Variants in EPHA6 observed in about 807,000 individuals in gnomAD.
The protein encoded by EPHA6 is EPH receptor A6, also known as ephrin type-A receptor 6.
A neutral mutation model predicts 112.0 loss-of-function variants in EPHA6; 50 were observed. The ratio of observed to expected loss-of-function variants is 0.45; its 90% CI spans 0.36 to 0.56. The LOEUF (loss-of-function observed/expected upper bound fraction) is 0.56, where lower values mean the gene tolerates loss of function less well. EPHA6 is among the 20% of genes least tolerant of loss of function. The pLI is 0.00. For synonymous variants in EPHA6, 529 were observed against 490.7 expected (o/e 1.08, Z -1.03); for missense variants, 1,280 against 1,417.4 (o/e 0.90, Z 1.56).
intron 5 of EPHA6, among the ~76,000 whole-genome samples, chr3:97,245,509 C>T (rs930761203): frequency 3.3e-5 from 5 of 151,878 alleles, no homozygotes; most frequent in African/African-American, 9.7e-5. Flanking sequence ...GCATAATATA[C>T]ACAATGGCAG....
chr3:97,552,743 T>G (rs1355956893), intron 11 of EPHA6, among the ~76,000 whole-genome samples: 6 of 152,204 alleles, frequency 3.9e-5, no homozygotes. Flanking sequence ...TTCCAAATTT[T>G]GTCCATAAAG....
At chr3:97,023,513 A>AT (rs1203247606) in intron 3 of EPHA6, among the ~76,000 whole-genome samples, 1 of 151,710 alleles carries the variant, frequency 6.6e-6, no homozygotes, top group African/African-American at 2.4e-5. Context: ...ACCTTCTAAG[A>AT]TTTTTTTCAT....
chr3:97,716,609 A>G (rs2034249376), intron 14 of EPHA6, among the ~76,000 whole-genome samples: 1 of 149,282 alleles, frequency 6.7e-6, no homozygotes, highest in Non-Finnish European at 1.5e-5. Context: ...GAAAAGACCC[A>G]GGTGCTTCTG....
intron 5 of EPHA6, among the ~76,000 whole-genome samples, chr3:97,287,716 A>T (rs2080523477): frequency 6.6e-6 from 1 of 152,126 alleles, no homozygotes; most frequent in Non-Finnish European, 1.5e-5. Flanking sequence ...CTTGTTTATT[A>T]ATATGTGTAT....
Position 96,902,707 on chromosome 3 carries a change from C to T in EPHA6, c.450+35818C>T, listed in dbSNP as rs1387720669. 3.9e-5 allele frequency among the ~76,000 whole-genome samples: 6 copies of T among 152,248 alleles called. No homozygotes were observed. In the South Asian group the frequency reaches 1.2e-3, roughly 32 times the overall value. ...GCTGAACTAGCTCTGCTTCTGTTGC[C>T]AGAGCCAGAAGCAGAAGAGGGGAAA... On this transcript the variant is annotated intron_variant, in intron 2 of 17. Coordinates refer to ENST00000389672, the MANE Select transcript of EPHA6 (RefSeq NM_001080448.3).
At chr3:96,820,211 T>C (rs1559747604) in intron 1 of EPHA6, among the ~76,000 whole-genome samples, 1 of 151,950 alleles carries the variant, frequency 6.6e-6, no homozygotes, top group East Asian at 1.9e-4. Flanking sequence ...GGAACCAGAG[T>C]CCTCAGAGTA....
intron 5 of EPHA6, among the ~76,000 whole-genome samples, chr3:97,350,777 GCT>G (rs1165071991): frequency 6.6e-6 from 1 of 151,964 alleles, no homozygotes; most frequent in Admixed American, 6.6e-5. Flanking sequence ...TCCAAATCAG[GCT>G]CTCTACTGCT....
At chr3:97,289,526 T>A (rs968850880) in intron 5 of EPHA6, among the ~76,000 whole-genome samples, 9 of 152,206 alleles carry the variant, frequency 5.9e-5, no homozygotes, top group Admixed American at 2.0e-4. Flanking sequence ...GCTTCTGGCT[T>A]TGTTCTTTTT....
At chr3:97,630,879 C>T (rs2093897170) in intron 13 of EPHA6, among the ~76,000 whole-genome samples, 1 of 151,992 alleles carries the variant, frequency 6.6e-6, no homozygotes, top group Non-Finnish European at 1.5e-5. Context: ...TGACAAATCA[C>T]ATGTGGTAGC....
chr3:97,352,454 A>C (rs2083860798), intron 5 of EPHA6, among the ~76,000 whole-genome samples: 1 of 152,230 alleles, frequency 6.6e-6, no homozygotes, highest in Non-Finnish European at 1.5e-5. Context: ...CATCAGCAGC[A>C]GCCACATGGC....
At chr3:97,122,217 G>A (rs2048060927) in intron 3 of EPHA6, among the ~76,000 whole-genome samples, 1 of 151,976 alleles carries the variant, frequency 6.6e-6, no homozygotes, top group Admixed American at 6.6e-5. Flanking sequence ...CTTCAGTTTG[G>A]TCCACTCTCA....
At chr3:96,968,222 T>G (rs2042196709) in intron 2 of EPHA6, among the ~76,000 whole-genome samples, 1 of 151,866 alleles carries the variant, frequency 6.6e-6, no homozygotes, top group South Asian at 2.1e-4. Flanking sequence ...GGATGTAAAC[T>G]TCTTCCCTGT....
At position 96,815,027 on chromosome 3, in the gene EPHA6, G is replaced by T; in HGVS notation, c.385+19G>T. Reference sequence around the variant, plus strand: ...AACCAAGGTAAGGGACGGGGCGGAGGAGCGGGAGTGGGTGGGAGGAGGAGG... The same window carrying T: ...AACCAAGGTAAGGGACGGGGCGGAGTAGCGGGAGTGGGTGGGAGGAGGAGG... On this transcript the variant is annotated intron_variant, in intron 1 of 17. Transcript: ENST00000389672. The T allele has an allele frequency of 6.7e-7, 1 of 1,489,506 alleles. No individual in the cohort carries two copies. The highest frequency in any genetic ancestry group is 9.0e-7 in the Non-Finnish European group (1 of 1,112,978). The allele number at this position is 1,489,506 out of a possible 1,614,324, so 92.3% of individuals were successfully genotyped here.
chr3:97,086,852 A>G (rs1474572796), intron 3 of EPHA6, among the ~76,000 whole-genome samples: 2 of 144,010 alleles, frequency 1.4e-5, no homozygotes, highest in African/African-American at 3.0e-5. Context: ...TCTATAATTT[A>G]TAGATTTTTT....
chr3:96,969,806 T>A (rs2042249394), intron 2 of EPHA6, among the ~76,000 whole-genome samples: 2 of 152,150 alleles, frequency 1.3e-5, no homozygotes, highest in South Asian at 4.1e-4. Flanking sequence ...TTAGTGGATC[T>A]TTCAGCATCA....
chr3:97,199,086 T>C (rs775868083), intron 3 of EPHA6, among the ~76,000 whole-genome samples: 3 of 152,146 alleles, frequency 2.0e-5, no homozygotes, highest in Non-Finnish European at 2.9e-5. Flanking sequence ...CACAGGCATA[T>C]ATGAGATGAG....
chr3:97,556,898 A>G (rs981540905), intron 11 of EPHA6, among the ~76,000 whole-genome samples: 1 of 152,082 alleles, frequency 6.6e-6, no homozygotes, highest in Admixed American at 6.6e-5. Context: ...AAATTAAATA[A>G]TGGATATTAT....
intron 14 of EPHA6, among the ~76,000 whole-genome samples, chr3:97,704,513 T>A (rs2033573726): frequency 6.6e-6 from 1 of 152,208 alleles, no homozygotes; most frequent in African/African-American, 2.4e-5. Flanking sequence ...TGACCTATCA[T>A]GGGACTTCTA....
At chr3:96,980,455 C>A (rs1294480728) in intron 2 of EPHA6, among the ~76,000 whole-genome samples, 1 of 146,054 alleles carries the variant, frequency 6.8e-6, no homozygotes, top group African/African-American at 2.5e-5. Context: ...GTTACTGTAG[C>A]CTTGTAGTAT....
Sources: gnomAD v4.1 joint callset for allele counts (sites outside exome capture counted in the v4.1 genomes callset) on GRCh38, gnomAD v4.1.1 for gene constraint, MANE v1.5 for transcripts, NCBI Gene and HGNC (gene_info 2026-07-23, HGNC 2026-07-21) for gene names.